STRN3: variants seen among roughly 807,000 people sequenced by gnomAD.
The protein encoded by STRN3 is striatin 3.
In STRN3, 29 loss-of-function variants were observed where a neutral mutation model predicts 95.6. The observed-to-expected ratio is 0.30, with a 90% CI of 0.23 to 0.41. The LOEUF (loss-of-function observed/expected upper bound fraction) is 0.41. Ranked by LOEUF, STRN3 falls within the 10% of genes least tolerant of loss-of-function variation. STRN3 has a pLI of 1.00. For synonymous variants in STRN3, 331 were observed against 357.6 expected, an observed-to-expected ratio of 0.93 and a Z score of 0.84; for missense variants, 890 against 972.1, an observed-to-expected ratio of 0.92 and a Z score of 1.12.
intron 3 of STRN3, 144 bp from the exon 4 acceptor site, chr14:30,951,088 C>T: frequency 1.5e-6 from 1 of 657,294 alleles, no homozygotes; most frequent in Admixed American, 2.9e-5. Context: ...TAAGTATTAA[C>T]TGTGGGTCAC....
chr14:30,995,914 T>C (rs1174700024), intron 1 of STRN3, among the ~76,000 whole-genome samples: 2 of 152,158 alleles, frequency 1.3e-5, no homozygotes, highest in Admixed American at 6.5e-5. Context: ...CTTTAGAAAT[T>C]ACCTCCACTA....
chr14:30,975,264 G>A (rs1881036899), intron 1 of STRN3, among the ~76,000 whole-genome samples: 1 of 151,260 alleles, frequency 6.6e-6, no homozygotes, highest in Non-Finnish European at 1.5e-5. Context: ...CAATCTGGAT[G>A]GAGCTGGAGA....
intron 16 of STRN3, 126 bp downstream of exon 16, chr14:30,902,410 C>A: frequency 1.7e-6 from 1 of 588,588 alleles, no homozygotes; most frequent in Non-Finnish European, 2.8e-6. Flanking sequence ...AAGCAAAAAT[C>A]TGAGTTAAAA....
intron 1 of STRN3, among the ~76,000 whole-genome samples, chr14:31,012,872 C>T (rs1196587830): frequency 1.5e-5 from 2 of 135,792 alleles, no homozygotes; most frequent in African/African-American, 5.6e-5. Context: ...CTACCCTGGG[C>T]AATAAGAGCA....
intron 10 of STRN3, 67 bp from the exon 11 acceptor site, chr14:30,912,249 T>G (rs1428677774): frequency 1.3e-6 from 2 of 1,490,678 alleles, no homozygotes; most frequent in Admixed American, 4.4e-5. Context: ...GAGTGTTTGT[T>G]CGTTTCTTTT....
intron 1 of STRN3, among the ~76,000 whole-genome samples, chr14:30,960,696 C>T (rs1422642497): frequency 5.3e-5 from 8 of 151,716 alleles, no homozygotes; most frequent in Non-Finnish European, 1.0e-4. Context: ...GGTGAAACCC[C>T]GCCTCTACTA....
chr14:31,003,643 A>G (rs999756479), intron 1 of STRN3, among the ~76,000 whole-genome samples: 2 of 152,142 alleles, frequency 1.3e-5, no homozygotes, highest in African/African-American at 4.8e-5. Flanking sequence ...AGCAGACTGA[A>G]GCCCTCACCA....
At chr14:31,020,578 T>C (rs1366914808) in intron 1 of STRN3, among the ~76,000 whole-genome samples, 2 of 152,152 alleles carry the variant, frequency 1.3e-5, no homozygotes, top group East Asian at 1.9e-4. Flanking sequence ...CCTATCACCA[T>C]TTATTCTCTC....
chr14:30,925,732 C>G (rs1897011617), intron 8 of STRN3, among the ~76,000 whole-genome samples: 1 of 152,062 alleles, frequency 6.6e-6, no homozygotes, highest in Non-Finnish European at 1.5e-5. Context: ...GCTAACTACT[C>G]TGATTTTTAT....
At chr14:30,913,948 A>G (rs1471741668) in intron 9 of STRN3, among the ~76,000 whole-genome samples, 3 of 152,206 alleles carry the variant, frequency 2.0e-5, no homozygotes, top group Non-Finnish European at 4.4e-5. Context: ...CAGTACAATT[A>G]TAACTATAGT....
intron 4 of STRN3, among the ~76,000 whole-genome samples, chr14:30,950,524 A>G (rs570635760): frequency 9.2e-5 from 14 of 152,316 alleles, no homozygotes; most frequent in African/African-American, 3.1e-4. Flanking sequence ...AACTAAATTC[A>G]TTCTCTAGAC....
rs986393078 is a variant in STRN3, at chr14:30,995,091, T to C, written c.282+30813A>G. Among the ~76,000 whole-genome samples the C allele has an allele frequency of 4.6e-5, 7 of 152,372 alleles. No individual in the cohort carries two copies. The East Asian group carries it at 5.8e-4, about 13-fold the overall frequency. On this transcript the variant is annotated intron_variant, in intron 1 of 17. Coordinates refer to ENST00000357479, the MANE Select transcript of STRN3 (RefSeq NM_001083893.2). ...ACTTGAAAATACCGTGTTCATTGTA[T>C]GATCCTGCCAGCAAATAAATAATGA...
At chr14:31,008,008 C>A (rs1019986198) in intron 1 of STRN3, among the ~76,000 whole-genome samples, 1 of 151,882 alleles carries the variant, frequency 6.6e-6, no homozygotes, top group African/African-American at 2.4e-5. Context: ...GCCTGGCCAA[C>A]AACATGGTTA....
At chr14:30,975,187 A>C (rs538783180) in intron 1 of STRN3, among the ~76,000 whole-genome samples, 15 of 151,316 alleles carry the variant, frequency 9.9e-5, no homozygotes, top group African/African-American at 3.6e-4. Flanking sequence ...CGAGTGGATA[A>C]AGAAAATGTG....
chr14:30,918,593 G>C (rs1333086026), intron 9 of STRN3, among the ~76,000 whole-genome samples: 2 of 152,008 alleles, frequency 1.3e-5, no homozygotes, highest in African/African-American at 4.8e-5. Context: ...ATTACTATTA[G>C]TTCCTAAATT....
intron 12 of STRN3, among the ~76,000 whole-genome samples, chr14:30,911,446 C>T (rs1236084060): frequency 1.3e-5 from 2 of 151,846 alleles, no homozygotes; most frequent in East Asian, 1.9e-4. Flanking sequence ...AGACTACAAG[C>T]GCACGCCAAC....
intron 1 of STRN3, among the ~76,000 whole-genome samples, chr14:31,009,283 G>A (rs538687132): frequency 6.6e-6 from 1 of 152,142 alleles, no homozygotes; most frequent in South Asian, 2.1e-4. Context: ...TGTATATCAG[G>A]GTTTCCCAAC....
intron 7 of STRN3, among the ~76,000 whole-genome samples, chr14:30,929,968 A>AAAAAAAAAAC (rs1878437908): frequency 1.6e-5 from 2 of 121,836 alleles, no homozygotes; most frequent in African/African-American, 5.7e-5. Context: ...AAAAAAAAAA[A>AAAAAAAAAAC]AAAAAAAAAA....
In STRN3 at chr14:30,912,000, T is replaced by C; in HGVS notation, c.1550+7A>G. The C allele has an allele frequency of 1.9e-6, 3 of 1,606,242 alleles. No individual in the cohort carries two copies. The highest frequency in any genetic ancestry group is 1.7e-6 in the Non-Finnish European group (2 of 1,178,036). On this transcript the variant is annotated splice_region_variant and intron_variant, in intron 11 of 17. Coordinates refer to ENST00000357479, the MANE Select transcript of STRN3 (RefSeq NM_001083893.2). ...GAAATACACCAGGCTAACACTAAAA[T>C]ACTTGCTTTTTGGCAGGAACTGTTT...
Sources: allele counts gnomAD v4.1 joint callset (sites outside exome capture counted in the v4.1 genomes callset), GRCh38; gene constraint gnomAD v4.1.1; transcripts MANE v1.5; gene names NCBI Gene and HGNC (gene_info 2026-07-23, HGNC 2026-07-21).